DYNC2H1: variants seen among roughly 807,000 people sequenced by gnomAD.
The protein encoded by DYNC2H1 is cytoplasmic dynein 2 heavy chain 1.
A neutral mutation model predicts 570.0 loss-of-function variants in DYNC2H1; 410 were observed. The observed-to-expected ratio is 0.72, with a 90% CI of 0.66 to 0.78. The LOEUF (loss-of-function observed/expected upper bound fraction) is 0.78. Among genes scored for constraint, DYNC2H1 ranks in the 30% least tolerant of loss-of-function variants. The pLI, the probability that DYNC2H1 is intolerant of heterozygous loss-of-function variation, is 0.00. For synonymous variants in DYNC2H1, 1,688 were observed against 1,677.6 expected, an observed-to-expected ratio of 1.01 and a Z score of -0.15; for missense variants, 4,865 against 5,046.4, an observed-to-expected ratio of 0.96 and a Z score of 1.09.
chr11:103,438,716 G>A (rs911671057), intron 85 of DYNC2H1, among the ~76,000 whole-genome samples: 1 of 152,098 alleles, frequency 6.6e-6, no homozygotes, highest in African/African-American at 2.4e-5. Context: ...CATTCATTCA[G>A]TCAAAAATAT....
chr11:103,355,788 T>A (rs1406704904), intron 82 of DYNC2H1, among the ~76,000 whole-genome samples: 1 of 152,212 alleles, frequency 6.6e-6, no homozygotes, highest in Non-Finnish European at 1.5e-5. Flanking sequence ...GATAGCACAC[T>A]GCAGCTTGGA....
rs78981784 is a variant in DYNC2H1 at position 103,159,048 on chromosome 11, A to T, written c.4378+21A>T. On this transcript the variant is annotated intron_variant, in intron 28 of 88. Coordinates refer to ENST00000375735, the MANE Select transcript of DYNC2H1 (RefSeq NM_001377.3). ...TGCTGGTAGGATTCAACATTTATTT[A>T]ACAGATATTTATTGAGTTTCAACTG... 4,217 of 1,576,646 alleles carry T rather than the reference A, an allele frequency of 2.7e-3. 114 individuals carry two copies. In the African/African-American group the frequency reaches 0.049, roughly 18 times the overall value.
At position 103,308,547 on chromosome 11, in the gene DYNC2H1, C is replaced by A. The variant is rs1867410467; in HGVS notation, c.11493+716C>A. Among the ~76,000 whole-genome samples, 8 of 152,252 alleles carry A rather than the reference C, an allele frequency of 5.3e-5. No individual in the cohort carries two copies. The South Asian group carries it at 1.7e-3, about 32-fold the overall frequency. On this transcript the variant is annotated intron_variant, in intron 78 of 88. Coordinates refer to ENST00000375735, the MANE Select transcript of DYNC2H1 (RefSeq NM_001377.3). ...GGGATTGCTGCATCATATGGTGATT[C>A]TATTTTTAAGTTTTTGATGGAACTT...
Position 103,451,499 on chromosome 11 carries a change from A to G in DYNC2H1, c.12457-3687A>G, listed in dbSNP as rs372751143. Among the ~76,000 whole-genome samples, 414 of 151,852 alleles carry G rather than the reference A, an allele frequency of 2.7e-3. 5 individuals carry two copies. Among genetic ancestry groups the G allele is most frequent in the African/African-American group, 9.5e-3 (392 of 41,350 alleles). ...AGGCGCGTGCCACCACGCCTGGCTA[A>G]TTTTTGTATTTTTAGTAGAGACGGG... is the stretch of plus-strand genomic sequence containing the variant. On this transcript the variant is annotated intron_variant, in intron 85 of 88. Coordinates refer to ENST00000375735, the MANE Select transcript of DYNC2H1 (RefSeq NM_001377.3).
At chr11:103,447,463 T>C (rs1054561422) in intron 85 of DYNC2H1, among the ~76,000 whole-genome samples, 8 of 152,290 alleles carry the variant, frequency 5.3e-5, no homozygotes, top group African/African-American at 1.9e-4. Flanking sequence ...TTCAGTACGC[T>C]ACACAATGTG....
At position 103,391,965 on chromosome 11, in the gene DYNC2H1, G is replaced by A. The variant is rs542389639; in HGVS notation, c.12157-7698G>A. Among the ~76,000 whole-genome samples the A allele has an allele frequency of 8.5e-5, 13 of 152,326 alleles. No homozygotes were observed. The South Asian group carries it at 1.9e-3, about 22-fold the overall frequency. ...GGTCAGGGACCCACTTGAGGAGGCA[G>A]TCTGTCTGTTCTCAGATCTCAAACT... On this transcript the variant is annotated intron_variant, in intron 83 of 88. Transcript: ENST00000375735.
chr11:103,355,185 A>C (rs7945242), intron 82 of DYNC2H1, among the ~76,000 whole-genome samples: 10,444 of 151,914 alleles, frequency 0.069, 373 homozygotes, highest in Non-Finnish European at 0.077. Context: ...CTTATTCATA[A>C]TTTTGAAATG....
chr11:103,364,599 GT>G (rs36030711), intron 83 of DYNC2H1, among the ~76,000 whole-genome samples: 12,191 of 129,972 alleles, frequency 0.094, 897 homozygotes, highest in East Asian at 0.21. Flanking sequence ...AAATCTTGTT[GT>G]TTTTTTTTTT....
At chr11:103,390,591 C>T (rs1250796682) in intron 83 of DYNC2H1, among the ~76,000 whole-genome samples, 1 of 152,156 alleles carries the variant, frequency 6.6e-6, no homozygotes, top group East Asian at 1.9e-4. Context: ...TCTTCCTAGC[C>T]TTGATGGGCT....
intron 61 of DYNC2H1, among the ~76,000 whole-genome samples, chr11:103,234,828 A>G (rs571349779): frequency 6.6e-6 from 1 of 151,898 alleles, no homozygotes; most frequent in Non-Finnish European, 1.5e-5. Flanking sequence ...CAAACCCAAC[A>G]TGTCTAAATT....
In DYNC2H1 at chr11:103,203,756, T is replaced by C. The variant is rs1453029120; in HGVS notation, c.8291T>C (p.Val2764Ala). ...QASQDGFFGP[V>A]FNYFTYRIQQ... ...TCACAAGATGGTTTTTTTGGACCAG[T>C]CTTCAATTACTTCACATATAGTAAG... The change falls in exon 51 of 89, where the codon GTC (valine) becomes GCC (alanine). Residue 2764 changes from valine (V) to alanine (A), a missense_variant. Val to Ala is a moderately conservative substitution (Grantham distance 64). Coordinates refer to ENST00000375735, the MANE Select transcript of DYNC2H1 (RefSeq NM_001377.3). The surrounding 1 kb of genome is among the most constrained non-coding windows in gnomAD (Gnocchi z 4.7). 1 of 1,609,450 alleles carries C rather than the reference T, an allele frequency of 6.2e-7. No individual in the cohort carries two copies. Among genetic ancestry groups the C allele is most frequent in the South Asian group, 1.1e-5 (1 of 90,390 alleles).
chr11:103,273,176 CTTTCTTTTCT>C (rs959554607), intron 70 of DYNC2H1, among the ~76,000 whole-genome samples: 1 of 143,396 alleles, frequency 7.0e-6, no homozygotes, highest in African/African-American at 2.6e-5. Flanking sequence ...CTTCTCTTCT[CTTTCTTTTCT>C]TTTCTTTTCT....
At chr11:103,368,846 A>G (rs2135549565) in intron 83 of DYNC2H1, among the ~76,000 whole-genome samples, 1 of 152,148 alleles carries the variant, frequency 6.6e-6, no homozygotes, top group South Asian at 2.1e-4. Context: ...TCTTTCCCCA[A>G]TGTGTGTTCT....
Position 103,157,087 on chromosome 11 carries a change from G to T in DYNC2H1, c.4127+317G>T, listed in dbSNP as rs1860871073. ...CTTTATCTCTCATTAGTATTTAATAGAGTTGAGCATTTCTTCTTTCTTAGA... is the reference window on the plus strand; with the variant it reads ...CTTTATCTCTCATTAGTATTTAATATAGTTGAGCATTTCTTCTTTCTTAGA... On this transcript the variant is annotated intron_variant, in intron 26 of 88. Transcript: ENST00000375735. This position sits in a 1 kb window ranked among gnomAD's most constrained non-coding sequence, Gnocchi z 4.2. Among the ~76,000 whole-genome samples, 1 of 152,016 alleles carries T rather than the reference G, an allele frequency of 6.6e-6. No individual in the cohort carries two copies. The highest frequency in any genetic ancestry group is 2.1e-4 in the South Asian group (1 of 4,830).
At chr11:103,389,286 T>G (rs915268978) in intron 83 of DYNC2H1, among the ~76,000 whole-genome samples, 1 of 152,178 alleles carries the variant, frequency 6.6e-6, no homozygotes, top group Non-Finnish European at 1.5e-5. Flanking sequence ...AGTTTATTTG[T>G]GTAGAGGTGT....
Position 103,253,405 on chromosome 11 carries a change from C to T in DYNC2H1, c.10163C>T (p.Thr3388Ile). Residue 3388 changes from threonine (T) to isoleucine (I), a missense_variant, in exon 66 of 89, where the codon ACT becomes ATT. Physicochemically the swap from Thr to Ile is moderately conservative, Grantham distance 89. Around this residue, in one of 5 missense-constraint regions of DYNC2H1, gnomAD observed 2,401 missense variants for 2,454.6 expected, o/e 0.98. Coordinates refer to ENST00000375735, the MANE Select transcript of DYNC2H1 (RefSeq NM_001377.3). The stretch of plus-strand genomic sequence containing the variant: ...CCACCGGATGCAGCTTCCATTGTTA[C>T]TGAGGTTAACTTTACTACAACAAGA... Reference protein sequence around the residue: ...FIPPDAASIVTEVNFTTTRSG... With the variant: ...FIPPDAASIVIEVNFTTTRSG... 2 of 1,613,062 alleles carry T rather than the reference C, an allele frequency of 1.2e-6. No homozygotes were observed. The highest frequency in any genetic ancestry group is 8.5e-7 in the Non-Finnish European group (1 of 1,179,392).
intron 84 of DYNC2H1, among the ~76,000 whole-genome samples, chr11:103,414,793 G>C (rs1943218143): frequency 1.3e-5 from 2 of 152,148 alleles, no homozygotes; most frequent in Admixed American, 1.3e-4. Context: ...TTGCTGCAAA[G>C]AGAGTAAAAT....
Position 103,304,653 on chromosome 11 carries a change from G to T in DYNC2H1, c.11315G>T (p.Arg3772Leu). The change falls in exon 77 of 89, where the codon CGC (arginine) becomes CTC (leucine). Residue 3772 changes from arginine (R) to leucine (L), a missense_variant. Arg to Leu is a moderately radical substitution (Grantham distance 102). Transcript: ENST00000375735. The stretch of plus-strand genomic sequence containing the variant: ...ATTCAAATGCTAAAAGAATGTGCCC[G>T]CAATGGAGACTGGCTCTGTTTGAAG... ...LAIQMLKECA[R>L]NGDWLCLKNL... 1 of 1,613,174 alleles carries T rather than the reference G, an allele frequency of 6.2e-7. No homozygotes were observed. The highest frequency in any genetic ancestry group is 8.5e-7 in the Non-Finnish European group (1 of 1,179,458).
At position 103,152,283 on chromosome 11, in the gene DYNC2H1, C is replaced by T; in HGVS notation, c.3094C>T (p.Gln1032Ter). Residue 1032 changes from glutamine to a stop codon, truncating the protein, a stop_gained and splice_region_variant, in exon 21 of 89, where the codon CAG becomes TAG. Transcript: ENST00000375735. LOFTEE classifies it high-confidence loss of function. ...MESHQLMIKD[Q>*]IEVMKGNVKS... ...AAGTCACCAACTTATGATTAAAGACCAGGTTAGAATCTTTTAATTATTTAT... is the reference window on the plus strand; with the variant it reads ...AAGTCACCAACTTATGATTAAAGACTAGGTTAGAATCTTTTAATTATTTAT... 1 of 1,594,618 alleles carries T rather than the reference C, an allele frequency of 6.3e-7. No homozygotes were observed. The highest frequency in any genetic ancestry group is 8.5e-7 in the Non-Finnish European group (1 of 1,173,728).
Sources: allele counts gnomAD v4.1 joint callset (sites outside exome capture counted in the v4.1 genomes callset), GRCh38; gene constraint gnomAD v4.1.1; regional missense constraint gnomAD v4.1.1; non-coding constraint Gnocchi (gnomAD v3.1); transcripts MANE v1.5; gene names NCBI Gene and HGNC (gene_info 2026-07-23, HGNC 2026-07-21).